MAPKBP1: variants seen among roughly 807,000 people sequenced by gnomAD.
MAPKBP1 encodes mitogen-activated protein kinase-binding protein 1.
MAPKBP1 carries 71 observed loss-of-function variants against 170.5 expected under a neutral mutation model. The ratio of observed to expected loss-of-function variants is 0.42; its 90% CI spans 0.34 to 0.51. The LOEUF is 0.51. Among genes scored for constraint, MAPKBP1 ranks in the 20% least tolerant of loss-of-function variants. The pLI, the probability that MAPKBP1 is intolerant of heterozygous loss-of-function variation, is 0.06. For missense variants in MAPKBP1, 1,598 were observed against 1,933.0 expected (o/e 0.83, Z 3.25); for synonymous variants, 719 against 757.9 (o/e 0.95, Z 0.84).
chr15:41,810,833 TG>T (rs2064792187), intron 3 of MAPKBP1, 49 bp from the exon 4 acceptor site: 5 of 1,577,642 alleles, frequency 3.2e-6, no homozygotes, highest in Non-Finnish European at 4.4e-6. Flanking sequence ...GGAGGGCTCC[TG>T]GGGGAGCTGT....
intron 2 of MAPKBP1, among the ~76,000 whole-genome samples, chr15:41,785,901 T>A (rs1250272871): frequency 6.6e-6 from 1 of 152,252 alleles, no homozygotes; most frequent in Non-Finnish European, 1.5e-5. Flanking sequence ...CATCTTATTC[T>A]GTGCAGACAC....
At position 41,817,173 on chromosome 15, in the gene MAPKBP1, T is replaced by C; in HGVS notation, c.1711+138T>C. On this transcript the variant is annotated intron_variant, in intron 14 of 30. Coordinates refer to ENST00000457542, the MANE Select transcript of MAPKBP1 (RefSeq NM_014994.3). This position sits in a 1 kb window ranked among gnomAD's most constrained non-coding sequence, Gnocchi z 4.2. The stretch of plus-strand genomic sequence containing the variant: ...GGAGGCCTGGAGCTGGTTGGGAAGA[T>C]AGGTGGAACAGAGACTCTCAGTGCT... 3 of 1,392,822 alleles carry C rather than the reference T, an allele frequency of 2.2e-6. No individual in the cohort carries two copies. Among genetic ancestry groups the C allele is most frequent in the Non-Finnish European group, 2.9e-6 (3 of 1,032,318 alleles). 86.3% of individuals were successfully genotyped at this position (1,392,822 alleles called of 1,614,324 possible). A position where few individuals can be genotyped will look rare whatever the true frequency, so the allele number is the denominator to read the frequency against.
chr15:41,797,486 C>G (rs1432167540), intron 2 of MAPKBP1, among the ~76,000 whole-genome samples: 1 of 152,150 alleles, frequency 6.6e-6, no homozygotes, highest in Non-Finnish European at 1.5e-5. Context: ...GTTGAAGGTT[C>G]AGTGCCAGGA....
intron 5 of MAPKBP1, chr15:41,811,441 C>T (rs1487356955): frequency 1.4e-6 from 1 of 705,282 alleles, no homozygotes; most frequent in East Asian, 2.7e-5. Flanking sequence ...CATCACTAGC[C>T]TGGTCCTCAG....
In MAPKBP1 at chr15:41,817,007, A is replaced by G. The variant is rs920183451; in HGVS notation, c.1683A>G (p.Ser561=). ...TACAGCAGACGCTGGACGAACACTC[A>G]TCCTCCATCACTGCTGTTAAGTTTG... ...YSLQQTLDEH[S]SSITAVKFAA... is the part of the protein sequence containing the mutation. Residue 561 remains serine (S), a synonymous_variant, in exon 14 of 31, where the codon TCA becomes TCG. Coordinates refer to ENST00000457542, the MANE Select transcript of MAPKBP1 (RefSeq NM_014994.3). The surrounding 1 kb of genome is among the most constrained non-coding windows in gnomAD (Gnocchi z 4.2). 14 of 1,605,930 alleles carry G rather than the reference A, an allele frequency of 8.7e-6. No homozygotes were observed. Among genetic ancestry groups the G allele is most frequent in the Non-Finnish European group, 1.2e-5 (14 of 1,174,210 alleles).
At chr15:41,805,606 A>AC (rs1165447246) in intron 3 of MAPKBP1, among the ~76,000 whole-genome samples, 3 of 152,180 alleles carry the variant, frequency 2.0e-5, no homozygotes, top group African/African-American at 4.8e-5. Context: ...AGAAGAGGGA[A>AC]CCCCTGCTCT....
chr15:41,810,025 C>T (rs117047949), intron 3 of MAPKBP1, among the ~76,000 whole-genome samples: 19 of 152,340 alleles, frequency 1.2e-4, no homozygotes, highest in Non-Finnish European at 1.9e-4. Context: ...CTGTGTGGCC[C>T]CTGCCTCGCC....
intron 2 of MAPKBP1, among the ~76,000 whole-genome samples, chr15:41,783,959 AG>A (rs2064235311): frequency 6.6e-6 from 1 of 152,082 alleles, no homozygotes; most frequent in Non-Finnish European, 1.5e-5. Context: ...CAGTGAGCCG[AG>A]ATCGCGCCAC....
intron 6 of MAPKBP1, 134 bp from the exon 7 acceptor site, chr15:41,812,382 C>G: frequency 1.5e-6 from 2 of 1,331,620 alleles, no homozygotes; most frequent in Non-Finnish European, 2.2e-6. Context: ...CCCTACCCCT[C>G]TTTTTCTGGC....
rs781285286 is a variant in MAPKBP1 at position 41,812,945 on chromosome 15, C to A, written c.663C>A (p.Gly221=). 1.2e-6 allele frequency: 2 copies of A among 1,607,228 alleles called. No homozygotes were observed. The highest frequency in any genetic ancestry group is 8.5e-7 in the Non-Finnish European group (1 of 1,176,604). ...SKVNATVPLL[G]RSGLLGELRN... ...TGAATGCCACTGTGCCCTTGCTGGG[C>A]CGCTCAGGGCTGCTGGGAGAGCTAC... Residue 221 remains glycine, a synonymous_variant, in exon 8 of 31, where the codon GGC becomes GGA. Transcript: ENST00000457542.
At position 41,821,642 on chromosome 15, in the gene MAPKBP1, G is replaced by T; in HGVS notation, c.2777G>T (p.Arg926Leu). 1 of 1,614,062 alleles carries T rather than the reference G, an allele frequency of 6.2e-7. No individual in the cohort carries two copies. Among genetic ancestry groups the T allele is most frequent in the Non-Finnish European group, 8.5e-7 (1 of 1,180,002 alleles). ...CCTTGTTCCTATCCCCATATTATCC[G>T]ATTATTGTCACAAGAGGAAGGGGTC... is the stretch of plus-strand genomic sequence containing the variant. ...SQPCSYPHII[R>L]LLSQEEGVFA... The change falls in exon 24 of 31, where the codon CGA (arginine) becomes CTA (leucine). Residue 926 changes from arginine to leucine, a missense_variant. Physicochemically the swap from Arg to Leu is moderately radical, Grantham distance 102. Coordinates refer to ENST00000457542, the MANE Select transcript of MAPKBP1 (RefSeq NM_014994.3).
At chr15:41,802,429 A>C (rs1347629910) in intron 3 of MAPKBP1, among the ~76,000 whole-genome samples, 1 of 152,134 alleles carries the variant, frequency 6.6e-6, no homozygotes, top group Non-Finnish European at 1.5e-5. Flanking sequence ...TTGTAGTAAC[A>C]CTTAGCTTAA....
At chr15:41,821,823 G>A (rs528343526) in intron 24 of MAPKBP1, 73 bp downstream of exon 24, 3 of 1,594,578 alleles carry the variant, frequency 1.9e-6, no homozygotes, top group Admixed American at 3.4e-5. Flanking sequence ...AGTCGAGGGA[G>A]GGTTGGCCCC....
chr15:41,803,413 C>CT (rs2064633312), intron 3 of MAPKBP1, among the ~76,000 whole-genome samples: 1 of 11,268 alleles, frequency 8.9e-5, no homozygotes, highest in Non-Finnish European at 1.8e-4. Flanking sequence ...GACTCCATCT[C>CT]AAAAAAAAAA....
intron 2 of MAPKBP1, among the ~76,000 whole-genome samples, chr15:41,787,892 T>TAA (rs199910471): frequency 2.0e-5 from 3 of 151,922 alleles, no homozygotes; most frequent in African/African-American, 7.3e-5. Context: ...CCCTAGGAGG[T>TAA]AAAAAAAACT....
chr15:41,815,814 TG>T lies in MAPKBP1; in HGVS notation c.1493+18del. On this transcript the variant is annotated intron_variant, in intron 12 of 30. Transcript: ENST00000457542. The stretch of plus-strand genomic sequence containing the variant: ...GGCACACTTAGGTAATGCCAGGCCC[TG>T]GGTGGGTACTGACTGCCTCTCATGG... 1.9e-6 allele frequency: 3 copies of T among 1,608,108 alleles called. No homozygotes were observed. The highest frequency in any genetic ancestry group is 2.6e-6 in the Non-Finnish European group (3 of 1,175,046).
At chr15:41,788,909 AT>A (rs2064345981) in intron 2 of MAPKBP1, among the ~76,000 whole-genome samples, 3 of 152,166 alleles carry the variant, frequency 2.0e-5, no homozygotes, top group Admixed American at 1.3e-4. Context: ...AAGGAAATTG[AT>A]TAGAAATCCA....
intron 2 of MAPKBP1, among the ~76,000 whole-genome samples, chr15:41,775,938 G>A (rs2064091475): frequency 6.6e-6 from 1 of 152,192 alleles, no homozygotes; most frequent in Admixed American, 6.5e-5. Flanking sequence ...TAACATGCAA[G>A]AAGCCAGATA....
chr15:41,789,582 C>A (rs2064360063), intron 2 of MAPKBP1, among the ~76,000 whole-genome samples: 1 of 152,140 alleles, frequency 6.6e-6, no homozygotes, highest in African/African-American at 2.4e-5. Flanking sequence ...CCTGCAGTGC[C>A]AGTTGGCTTG....
Sources: allele counts gnomAD v4.1 joint callset (sites outside exome capture counted in the v4.1 genomes callset), GRCh38; gene constraint gnomAD v4.1.1; non-coding constraint Gnocchi (gnomAD v3.1); transcripts MANE v1.5; gene names NCBI Gene and HGNC (gene_info 2026-07-23, HGNC 2026-07-21).